Variants in DPP10 observed in about 807,000 individuals in gnomAD.
DPP10 encodes inactive dipeptidyl peptidase 10.
In DPP10, 33 loss-of-function variants were observed where a neutral mutation model predicts 120.9. The observed-to-expected ratio is 0.27, with a 90% CI of 0.21 to 0.37. The LOEUF (loss-of-function observed/expected upper bound fraction) is 0.37. Ranked by LOEUF, DPP10 falls within the 10% of genes least tolerant of loss-of-function variation. The pLI is 1.00. For missense variants in DPP10, 816 were observed against 942.8 expected (o/e 0.87, Z 1.76); for synonymous variants, 337 against 326.1 (o/e 1.03, Z -0.36).
At chr2:114,664,760 A>G (rs549057079) in intron 1 of DPP10, among the ~76,000 whole-genome samples, 1 of 152,314 alleles carries the variant, frequency 6.6e-6, no homozygotes, top group East Asian at 1.9e-4. Flanking sequence ...TAGAGCATCC[A>G]AAAGATGGCA....
chr2:115,673,210 T>C (rs970750949), intron 5 of DPP10, among the ~76,000 whole-genome samples: 29 of 152,220 alleles, frequency 1.9e-4, no homozygotes, highest in African/African-American at 6.5e-4. Context: ...TTGATATCCT[T>C]TGTTATACTG....
chr2:114,972,972 GTTC>G (rs1046501266), intron 1 of DPP10, among the ~76,000 whole-genome samples: 3 of 152,064 alleles, frequency 2.0e-5, no homozygotes, highest in Admixed American at 6.5e-5. Context: ...GTCAGGCTTT[GTTC>G]TTCATTTCAT....
chr2:114,762,364 T>G (rs1464364875), intron 1 of DPP10, among the ~76,000 whole-genome samples: 1 of 152,204 alleles, frequency 6.6e-6, no homozygotes. Flanking sequence ...TTGCATTGCT[T>G]GATATAATGG....
At chr2:115,696,393 T>A (rs1406538332) in intron 7 of DPP10, among the ~76,000 whole-genome samples, 5 of 152,122 alleles carry the variant, frequency 3.3e-5, no homozygotes, top group Admixed American at 3.3e-4. Flanking sequence ...CATATCCTTA[T>A]CAGCAGATTT....
rs542524510 is a variant in DPP10 at position 114,527,712 on chromosome 2, A to T, written c.60+84874A>T. ...TGTGTTGTTAGGCGATTTTGTCATT[A>T]TGCAAACATCACAGAGTATACATAC... On this transcript the variant is annotated intron_variant, in intron 1 of 25. Transcript: ENST00000410059. Among the ~76,000 whole-genome samples the T allele has an allele frequency of 3.0e-4, 46 of 152,266 alleles. No homozygotes were observed. In the East Asian group the frequency reaches 3.7e-3, roughly 12 times the overall value.
intron 1 of DPP10, among the ~76,000 whole-genome samples, chr2:114,623,705 A>G (rs558067325): frequency 9.2e-5 from 14 of 152,294 alleles, no homozygotes; most frequent in African/African-American, 3.1e-4. Flanking sequence ...AAGAAAAGTC[A>G]AACAAAGTAT....
chr2:115,610,571 T>A (rs2149249462), intron 5 of DPP10, among the ~76,000 whole-genome samples: 1 of 152,034 alleles, frequency 6.6e-6, no homozygotes, highest in Middle Eastern at 3.4e-3. Flanking sequence ...AAGAGCTACA[T>A]GGGCAGAGAT....
At chr2:115,484,889 A>G (rs1376933232) in intron 3 of DPP10, among the ~76,000 whole-genome samples, 1 of 152,106 alleles carries the variant, frequency 6.6e-6, no homozygotes, top group Non-Finnish European at 1.5e-5. Context: ...TTATCTATCA[A>G]TTCTTAGCTG....
In DPP10 at chr2:115,082,928, T is replaced by G. The variant is rs544678304; in HGVS notation, c.61-226311T>G. Among the ~76,000 whole-genome samples, 13 of 152,364 alleles carry G rather than the reference T, an allele frequency of 8.5e-5. No individual in the cohort carries two copies. The South Asian group carries it at 2.7e-3, about 32-fold the overall frequency. On this transcript the variant is annotated intron_variant, in intron 1 of 25. Coordinates refer to ENST00000410059, the MANE Select transcript of DPP10 (RefSeq NM_020868.6). ...ACTCAACACCTAGAGCTATATTACTTTATTTAAATTGTTCTTCTTAAAATT... is the reference window on the plus strand; with the variant it reads ...ACTCAACACCTAGAGCTATATTACTGTATTTAAATTGTTCTTCTTAAAATT...
intron 1 of DPP10, among the ~76,000 whole-genome samples, chr2:114,548,002 A>G (rs190866432): frequency 6.6e-5 from 10 of 152,208 alleles, no homozygotes; most frequent in South Asian, 4.2e-4. Context: ...CACTGCAGGG[A>G]CCACAGTTGA....
At chr2:115,557,926 T>C (rs2080318505) in intron 5 of DPP10, among the ~76,000 whole-genome samples, 1 of 152,200 alleles carries the variant, frequency 6.6e-6, no homozygotes, top group South Asian at 2.1e-4. Flanking sequence ...AAATGGATAA[T>C]CAACATTATC....
At chr2:115,660,213 T>C (rs2088799430) in intron 5 of DPP10, among the ~76,000 whole-genome samples, 1 of 152,214 alleles carries the variant, frequency 6.6e-6, no homozygotes, top group South Asian at 2.1e-4. Context: ...ACAGATCTAT[T>C]GACATAAACT....
chr2:114,779,938 C>T (rs1682143325), intron 1 of DPP10, among the ~76,000 whole-genome samples: 2 of 152,024 alleles, frequency 1.3e-5, no homozygotes, highest in African/African-American at 4.8e-5. Flanking sequence ...AGATCGAGAC[C>T]ATCCTGGCTA....
chr2:115,309,426 A>G, intron 2 of DPP10, 73 bp downstream of exon 2: 1 of 1,443,800 alleles, frequency 6.9e-7, no homozygotes, highest in Non-Finnish European at 9.7e-7. Context: ...ATGCCTTAAG[A>G]GGGTAGCAAT....
chr2:114,839,969 A>G lies in DPP10; in HGVS notation c.60+397131A>G, dbSNP rs1688029190. Reference sequence around the variant, plus strand: ...TTATGCATGAAAAAAGCAAGAGTAAACTAATGGTCTATATAGCATTTCAGG... The same window carrying G: ...TTATGCATGAAAAAAGCAAGAGTAAGCTAATGGTCTATATAGCATTTCAGG... On this transcript the variant is annotated intron_variant, in intron 1 of 25. Coordinates refer to ENST00000410059, the MANE Select transcript of DPP10 (RefSeq NM_020868.6). Among the ~76,000 whole-genome samples, 4 of 152,202 alleles carry G rather than the reference A, an allele frequency of 2.6e-5. No individual in the cohort carries two copies. In the South Asian group the frequency reaches 8.3e-4, roughly 32 times the overall value.
At chr2:115,644,943 A>C (rs1478642420) in intron 5 of DPP10, among the ~76,000 whole-genome samples, 1 of 152,162 alleles carries the variant, frequency 6.6e-6, no homozygotes, top group Non-Finnish European at 1.5e-5. Flanking sequence ...CTAACAACAT[A>C]ATTGGATTCT....
At chr2:115,234,370 T>C in intron 1 of DPP10, 1 of 161,594 alleles carries the variant, frequency 6.2e-6, no homozygotes, top group East Asian at 1.9e-4. Context: ...AACCTTAACC[T>C]TTGCATGCGT....
At chr2:115,437,183 G>C (rs904608617) in intron 3 of DPP10, among the ~76,000 whole-genome samples, 6 of 151,936 alleles carry the variant, frequency 3.9e-5, no homozygotes, top group African/African-American at 1.4e-4. Flanking sequence ...CAAAATAATG[G>C]ATAATAGGGT....
At chr2:115,260,201 A>G (rs1439916840) in intron 1 of DPP10, among the ~76,000 whole-genome samples, 3 of 151,670 alleles carry the variant, frequency 2.0e-5, no homozygotes, top group African/African-American at 7.3e-5. Flanking sequence ...ATGACTATGT[A>G]TAACTTCATG....
Sources: allele counts gnomAD v4.1 joint callset (sites outside exome capture counted in the v4.1 genomes callset), GRCh38; gene constraint gnomAD v4.1.1; transcripts MANE v1.5; gene names NCBI Gene and HGNC (gene_info 2026-07-23, HGNC 2026-07-21).